The following PCDH11X variants were observed in gnomAD, a reference collection of about 807,000 sequenced individuals.
The protein encoded by PCDH11X is protocadherin 11 X-linked.
In PCDH11X, 18 loss-of-function variants were observed where a neutral mutation model predicts 53.3. The ratio of observed to expected loss-of-function variants is 0.34; its 90% CI spans 0.23 to 0.50. The LOEUF (loss-of-function observed/expected upper bound fraction) is 0.50, where lower values mean the gene tolerates loss of function less well. Ranked by LOEUF, PCDH11X falls within the 20% of genes least tolerant of loss-of-function variation. The pLI, the probability that PCDH11X is intolerant of heterozygous loss-of-function variation, is 0.98. For synonymous variants in PCDH11X, 279 were observed against 393.3 expected (o/e 0.71, Z 3.44); for missense variants, 570 against 1,032.4 (o/e 0.55, Z 6.14).
At chrX:91,913,176 GT>G (rs1428361334) in intron 6 of PCDH11X, among the ~76,000 whole-genome samples, 1 of 111,043 alleles carries the variant, frequency 9.0e-6, no homozygotes, top group Non-Finnish European at 1.9e-5. Context: ...ATTGGTAGTG[GT>G]TTTGGCTGGG....
At chrX:92,587,663 A>AT (rs1362608351) in intron 10 of PCDH11X, among the ~76,000 whole-genome samples, 1 of 109,099 alleles carries the variant, frequency 9.2e-6, no homozygotes, top group Non-Finnish European at 1.9e-5. Context: ...ATATACTGTA[A>AT]TTTTTTCTGA....
At chrX:91,939,771 C>A (rs1321349142) in intron 6 of PCDH11X, among the ~76,000 whole-genome samples, 3 of 110,035 alleles carry the variant, frequency 2.7e-5, no homozygotes, top group Admixed American at 9.7e-5. Context: ...AAACTGAGGG[C>A]AAAATAAAGA....
At position 91,970,018 on chromosome X, in the gene PCDH11X, C is replaced by T. The variant is rs749573794; in HGVS notation, c.3033+90745C>T. 6.3e-5 allele frequency among the ~76,000 whole-genome samples: 7 copies of T among 110,250 alleles called. No homozygotes were observed. The East Asian group carries it at 1.4e-3, about 23-fold the overall frequency. ...GTTCTTTCCGGTGGGTTCTTGGTCT[C>T]GCTGACTTCAAGAAGTTGCAGACCA... is the stretch of plus-strand genomic sequence containing the variant. On this transcript the variant is annotated intron_variant, in intron 6 of 10. Transcript: ENST00000682573.
rs745352400 is a variant in PCDH11X, at chrX:92,131,791, T to A, written c.3034-69584T>A. Among the ~76,000 whole-genome samples, 11 of 109,755 alleles carry A rather than the reference T, an allele frequency of 1.0e-4. No homozygotes were observed. In the South Asian group the frequency reaches 4.4e-3, roughly 44 times the overall value. On this transcript the variant is annotated intron_variant, in intron 6 of 10. Transcript: ENST00000682573. ...TTGTCTCCTGCTAAATCACGGAGGTTTGGGGAGTTCCTGGAGGACTGGGGA... is the reference window on the plus strand; with the variant it reads ...TTGTCTCCTGCTAAATCACGGAGGTATGGGGAGTTCCTGGAGGACTGGGGA...
intron 6 of PCDH11X, among the ~76,000 whole-genome samples, chrX:92,132,274 A>G (rs759606924): frequency 1.4e-5 from 1 of 69,140 alleles, no homozygotes; most frequent in Non-Finnish European, 2.6e-5. Context: ...AACAAGAGCA[A>G]ACCTCTGTCT....
chrX:91,955,510 T>C (rs1280123278), intron 6 of PCDH11X, among the ~76,000 whole-genome samples: 1 of 110,375 alleles, frequency 9.1e-6, no homozygotes. Flanking sequence ...GATTTCTACC[T>C]TAATTTCATT....
At chrX:92,068,022 T>G (rs1297674746) in intron 6 of PCDH11X, among the ~76,000 whole-genome samples, 2 of 109,673 alleles carry the variant, frequency 1.8e-5, no homozygotes, top group Non-Finnish European at 1.9e-5. Flanking sequence ...TTTTCATCTC[T>G]GATTTTATTT....
intron 6 of PCDH11X, among the ~76,000 whole-genome samples, chrX:92,132,643 A>G (rs1328906522): frequency 3.4e-5 from 3 of 87,112 alleles, no homozygotes; most frequent in East Asian, 7.1e-4. Context: ...ATGTATATAT[A>G]TATATATATA....
rs191255336 is a variant in PCDH11X at position 92,091,901 on chromosome X, G to T, written c.3034-109474G>T. ...TTGATTATCTCCTGGTTCTGGAAAG[G>T]AAGGAAGGAAGACAAAGAGGAAAGA... is the stretch of plus-strand genomic sequence containing the variant. On this transcript the variant is annotated intron_variant, in intron 6 of 10. Coordinates refer to ENST00000682573, the MANE Select transcript of PCDH11X (RefSeq NM_032968.5). Among the ~76,000 whole-genome samples, 9 of 111,586 alleles carry T rather than the reference G, an allele frequency of 8.1e-5. No individual in the cohort carries two copies. In the East Asian group the frequency reaches 2.0e-3, roughly 24 times the overall value.
At chrX:92,301,532 A>G (rs1021974177) in intron 8 of PCDH11X, among the ~76,000 whole-genome samples, 21 of 110,730 alleles carry the variant, frequency 1.9e-4, no homozygotes, top group African/African-American at 6.3e-4. Context: ...TCAAGTGCCC[A>G]TGGGGATCAT....
intron 6 of PCDH11X, among the ~76,000 whole-genome samples, chrX:91,887,495 A>C (rs1940286161): frequency 8.9e-6 from 1 of 112,176 alleles, no homozygotes. Flanking sequence ...AATTAGGAGT[A>C]GACTTTTAAA....
intron 6 of PCDH11X, among the ~76,000 whole-genome samples, chrX:91,989,893 A>G (rs1318699863): frequency 5.4e-5 from 6 of 110,780 alleles, no homozygotes; most frequent in Admixed American, 1.9e-4. Context: ...TCTTCTCTCC[A>G]GAACTCTGAA....
intron 8 of PCDH11X, among the ~76,000 whole-genome samples, chrX:92,284,965 G>A (rs1032717963): frequency 1.0e-3 from 115 of 111,277 alleles, no homozygotes; most frequent in Non-Finnish European, 1.7e-3. Context: ...GCATCTGGAA[G>A]CCCATAGACA....
chrX:92,089,987 G>C (rs1269038624), intron 6 of PCDH11X, among the ~76,000 whole-genome samples: 1 of 106,137 alleles, frequency 9.4e-6, no homozygotes, highest in Non-Finnish European at 1.9e-5. Flanking sequence ...TTTTCCTCAA[G>C]ATGATCATCC....
In PCDH11X at chrX:92,395,985, G is replaced by A. The variant is rs2754920; in HGVS notation, c.3343+8052G>A. Among the ~76,000 whole-genome samples, 789 of 108,962 alleles carry A rather than the reference G, an allele frequency of 7.2e-3. 16 individuals are homozygous for A. Among genetic ancestry groups the A allele is most frequent in the African/African-American group, 0.026 (764 of 29,821 alleles). The allele number at this position is 108,962 out of a possible 115,157, so 94.6% of individuals were successfully genotyped here. ...AGGTTCCCATTTTAAAAATGCCCTG[G>A]AAGAGCATTTGGAGCAATACAGACT... On this transcript the variant is annotated intron_variant, in intron 9 of 10. Coordinates refer to ENST00000682573, the MANE Select transcript of PCDH11X (RefSeq NM_032968.5).
chrX:92,406,144 A>G (rs1020592896), intron 9 of PCDH11X, among the ~76,000 whole-genome samples: 1 of 108,811 alleles, frequency 9.2e-6, no homozygotes, highest in Admixed American at 9.9e-5. Context: ...TCCACCCAAA[A>G]TTTGTATACC....
intron 10 of PCDH11X, among the ~76,000 whole-genome samples, chrX:92,584,484 T>C (rs1391981055): frequency 9.0e-6 from 1 of 111,234 alleles, no homozygotes; most frequent in African/African-American, 3.3e-5. Context: ...ATGAACAACT[T>C]TTTCCCAAAG....
intron 10 of PCDH11X, among the ~76,000 whole-genome samples, chrX:92,551,960 A>C (rs1470851627): frequency 1.2e-5 from 1 of 83,970 alleles, no homozygotes; most frequent in Non-Finnish European, 2.4e-5. Flanking sequence ...GTGTAGTATA[A>C]TTTGAAGTCA....
chrX:92,007,413 G>T (rs1402251118), intron 6 of PCDH11X, among the ~76,000 whole-genome samples: 1 of 111,476 alleles, frequency 9.0e-6, no homozygotes, highest in African/African-American at 3.3e-5. Context: ...GAGGTATACT[G>T]CCAGACTACC....
Sources: gnomAD v4.1 joint callset for allele counts (sites outside exome capture counted in the v4.1 genomes callset) on GRCh38, gnomAD v4.1.1 for gene constraint, MANE v1.5 for transcripts, NCBI Gene and HGNC (gene_info 2026-07-23, HGNC 2026-07-21) for gene names.